The following ZNF653 variants were observed in gnomAD, a reference collection of about 807,000 sequenced individuals.
The protein encoded by ZNF653 is 67 kDa zinc finger protein.
A neutral mutation model predicts 59.9 loss-of-function variants in ZNF653; 37 were observed. The ratio of observed to expected loss-of-function variants is 0.62; its 90% CI spans 0.48 to 0.81. The LOEUF is 0.81. Among genes scored for constraint, ZNF653 ranks in the 40% least tolerant of loss-of-function variants. ZNF653 has a pLI of 0.00. For synonymous variants in ZNF653, 435 were observed against 371.8 expected, an observed-to-expected ratio of 1.17 and a Z score of -1.96; for missense variants, 808 against 881.1, an observed-to-expected ratio of 0.92 and a Z score of 1.05.
intron 1 of ZNF653, chr19:11,504,665 G>T: frequency 1.5e-6 from 1 of 687,284 alleles, no homozygotes; most frequent in Non-Finnish European, 1.8e-6. Flanking sequence ...AACCAGGGCA[G>T]AACAAGGATT....
chr19:11,484,030 C>G lies in ZNF653; in HGVS notation c.1670+12G>C. On this transcript the variant is annotated intron_variant, in intron 8 of 8. Coordinates refer to ENST00000293771, the MANE Select transcript of ZNF653 (RefSeq NM_138783.4). ...CCAATCCTCTAGCGGCACGGGGCGG[C>G]CTGTCACTCACTGCAGGGGGGTCTC... The G allele has an allele frequency of 6.4e-7, 1 of 1,552,638 alleles. No homozygotes were observed. Among genetic ancestry groups the G allele is most frequent in the Non-Finnish European group, 8.7e-7 (1 of 1,148,198 alleles).
In ZNF653 at chr19:11,490,785, C is replaced by T. The variant is rs1201443944; in HGVS notation, c.560-2882G>A. ...CTCCATGTCGAGCTCCAGATTCTTCCATCTCATTGGCCCCCTAAGAGTGTC... is the reference window on the plus strand; with the variant it reads ...CTCCATGTCGAGCTCCAGATTCTTCTATCTCATTGGCCCCCTAAGAGTGTC... On this transcript the variant is annotated intron_variant, in intron 3 of 8. Transcript: ENST00000293771. Among the ~76,000 whole-genome samples the T allele has an allele frequency of 2.6e-5, 4 of 152,132 alleles. No homozygotes were observed. The East Asian group carries it at 7.7e-4, about 29-fold the overall frequency.
At position 11,487,534 on chromosome 19, in the gene ZNF653, A is replaced by C; in HGVS notation, c.929T>G (p.Met310Arg). 6.2e-7 allele frequency: 1 copy of C among 1,613,872 alleles called. No individual in the cohort carries two copies. The highest frequency in any genetic ancestry group is 8.5e-7 in the Non-Finnish European group (1 of 1,179,960). Residue 310 changes from methionine to arginine, a missense_variant, in exon 4 of 9, where the codon ATG becomes AGG. By Grantham distance (91) the Met-to-Arg change is moderately conservative (BLOSUM62 -1). Transcript: ENST00000293771. This position sits in a 1 kb window ranked among gnomAD's most constrained non-coding sequence, Gnocchi z 5.1. Reference protein sequence around the residue: ...ALGEVVASCPMPGMVPGSQVI... With the variant: ...ALGEVVASCPRPGMVPGSQVI... The stretch of plus-strand genomic sequence containing the variant: ...CTGTGAGCCGGGCACCATGCCTGGC[A>C]TGGGGCAGCTGGCCACCACCTCACC...
At position 11,485,700 on chromosome 19, in the gene ZNF653, A is replaced by T. The variant is rs760683398; in HGVS notation, c.1526T>A (p.Phe509Tyr). The change falls in exon 7 of 9, where the codon TTC (phenylalanine) becomes TAC (tyrosine). Residue 509 changes from phenylalanine to tyrosine, a missense_variant. By Grantham distance (22) the Phe-to-Tyr change is conservative (BLOSUM62 3). Coordinates refer to ENST00000293771, the MANE Select transcript of ZNF653 (RefSeq NM_138783.4). ...CCGCCGCAGGTGGTTGGATAAATAG[A>T]ACTTCTTGCCACAGCCAGGATGAGG... ...VCPHPGCGKK[F>Y]YLSNHLRRHM... The T allele has an allele frequency of 6.2e-7, 1 of 1,614,002 alleles. No homozygotes were observed. Among genetic ancestry groups the T allele is most frequent in the East Asian group, 2.2e-5 (1 of 44,840 alleles).
chr19:11,501,182 T>TC (rs1355587183), intron 1 of ZNF653, among the ~76,000 whole-genome samples: 1 of 151,588 alleles, frequency 6.6e-6, no homozygotes, highest in Non-Finnish European at 1.5e-5. Context: ...TATCTTTTTT[T>TC]TTTTTTTTCT....
chr19:11,503,496 T>C (rs1336970839), intron 1 of ZNF653, among the ~76,000 whole-genome samples: 4 of 152,222 alleles, frequency 2.6e-5, no homozygotes. Flanking sequence ...AATTTACTTA[T>C]GTTTCTGGTC....
At chr19:11,489,358 C>T (rs1019193627) in intron 3 of ZNF653, among the ~76,000 whole-genome samples, 1 of 152,182 alleles carries the variant, frequency 6.6e-6, no homozygotes, top group Non-Finnish European at 1.5e-5. Context: ...TGCAACCACA[C>T]CTGGCTAATT....
chr19:11,492,646 C>T (rs1971540695), intron 3 of ZNF653, among the ~76,000 whole-genome samples: 1 of 151,918 alleles, frequency 6.6e-6, no homozygotes, highest in South Asian at 2.1e-4. Flanking sequence ...GCCCAGCCTG[C>T]ACTCTATATT....
chr19:11,490,940 G>T (rs1291414923), intron 3 of ZNF653, among the ~76,000 whole-genome samples: 1 of 152,216 alleles, frequency 6.6e-6, no homozygotes, highest in African/African-American at 2.4e-5. Context: ...TCAGGCCAAA[G>T]TCCTGGGGCT....
intron 1 of ZNF653, among the ~76,000 whole-genome samples, chr19:11,503,209 C>T (rs1309667453): frequency 6.6e-6 from 1 of 152,146 alleles, no homozygotes; most frequent in Non-Finnish European, 1.5e-5. Flanking sequence ...CTTGTCTTCC[C>T]TTCTCCCCCT....
intron 2 of ZNF653, among the ~76,000 whole-genome samples, chr19:11,497,531 G>A (rs757823707): frequency 1.7e-4 from 26 of 152,208 alleles, no homozygotes; most frequent in Non-Finnish European, 3.5e-4. Context: ...GGAAGGGAGT[G>A]AAGACATCGC....
In ZNF653 at chr19:11,487,646, G is replaced by A. The variant is rs540345510; in HGVS notation, c.817C>T (p.Leu273=). The change falls in exon 4 of 9, where the codon CTG becomes TTG. Residue 273 remains leucine (L), a synonymous_variant. Transcript: ENST00000293771. The surrounding 1 kb of genome is among the most constrained non-coding windows in gnomAD (Gnocchi z 5.1). The part of the protein sequence containing the change: ...SNPAGNGPEA[L]ETVVCVPVPV... ...ACCGGCACGCACACCACTGTCTCCA[G>A]GGCTTCAGGCCCATTGCCTGCTGGG... is the stretch of plus-strand genomic sequence containing the variant. The A allele has an allele frequency of 1.7e-5, 27 of 1,613,872 alleles. No homozygotes were observed. The South Asian group carries it at 1.8e-4, about 10-fold the overall frequency.
chr19:11,483,603 G>C lies in ZNF653; in HGVS notation c.*79C>G. 6.5e-7 allele frequency: 1 copy of C among 1,530,838 alleles called. No homozygotes were observed. 94.8% of individuals were successfully genotyped at this position (1,530,838 alleles called of 1,614,324 possible). A position where few individuals can be genotyped will look rare whatever the true frequency, so the allele number is the denominator to read the frequency against. ...CCGGCCCGCGGTCCGGGCGGCCCTC[G>C]CAGCTGTCCAGGCCCCGGCAAGCCC... On this transcript the variant is annotated 3_prime_UTR_variant, in exon 9 of 9. Transcript: ENST00000293771.
intron 2 of ZNF653, among the ~76,000 whole-genome samples, chr19:11,497,782 C>T (rs1971603961): frequency 6.6e-6 from 1 of 152,184 alleles, no homozygotes; most frequent in Non-Finnish European, 1.5e-5. Context: ...AGCCCTTTCC[C>T]TCCTCAATGC....
chr19:11,488,506 A>C (rs1971495662), intron 3 of ZNF653, among the ~76,000 whole-genome samples: 3 of 151,596 alleles, frequency 2.0e-5, no homozygotes, highest in Admixed American at 2.0e-4. Context: ...GGCTGGTCTC[A>C]AACTCCTGAC....
At chr19:11,499,723 G>A (rs953078544) in intron 1 of ZNF653, among the ~76,000 whole-genome samples, 2 of 151,636 alleles carry the variant, frequency 1.3e-5, no homozygotes, top group Non-Finnish European at 2.9e-5. Context: ...ACCAGCCTGG[G>A]AAACACAGTG....
intron 1 of ZNF653, among the ~76,000 whole-genome samples, chr19:11,500,480 G>A (rs1163840623): frequency 6.6e-6 from 1 of 152,142 alleles, no homozygotes; most frequent in African/African-American, 2.4e-5. Context: ...GATTATAGAT[G>A]CCTGCCATCA....
chr19:11,505,398 G>C (rs1971704413), intron 1 of ZNF653, 90 bp downstream of exon 1: 1 of 1,291,760 alleles, frequency 7.7e-7, no homozygotes, highest in Non-Finnish European at 1.0e-6. Flanking sequence ...GGTGCCGGGG[G>C]CTGGCCCTAG....
In ZNF653 at chr19:11,494,381, A is replaced by ACAT. The variant is rs1555737004; in HGVS notation, c.559+1568_559+1569insATG. On this transcript the variant is annotated intron_variant, in intron 3 of 8. Coordinates refer to ENST00000293771, the MANE Select transcript of ZNF653 (RefSeq NM_138783.4). ...ACATAACATAACATAACATAACATA[A>ACAT]AACATAACATAACATAACATAACAT... Among the ~76,000 whole-genome samples the ACAT allele has an allele frequency of 6.1e-3, 815 of 132,736 alleles. 5 individuals carry two copies. The highest frequency in any genetic ancestry group is 0.012 in the African/African-American group (401 of 32,458). The allele number at this position is 132,736 out of a possible 152,430, so 87.1% of individuals were successfully genotyped here. A position where few individuals can be genotyped will look rare whatever the true frequency, so the allele number is the denominator to read the frequency against.
Sources: gnomAD v4.1 joint callset for allele counts (sites outside exome capture counted in the v4.1 genomes callset) on GRCh38, gnomAD v4.1.1 for gene constraint, Gnocchi (gnomAD v3.1) non-coding constraint, MANE v1.5 for transcripts, NCBI Gene and HGNC (gene_info 2026-07-23, HGNC 2026-07-21) for gene names.